The following ZC4H2 variants were observed in gnomAD, a reference collection of about 807,000 sequenced individuals.
ZC4H2 encodes zinc finger C4H2-type containing.
For synonymous variants in ZC4H2, 84 were observed against 66.3 expected, an observed-to-expected ratio of 1.27 and a Z score of -1.30; for missense variants, 137 against 173.9, an observed-to-expected ratio of 0.79 and a Z score of 1.19.
chrX:64,933,282 A>G (rs1001266275), intron 1 of ZC4H2, among the ~76,000 whole-genome samples: 2 of 111,434 alleles, frequency 1.8e-5, no homozygotes, highest in Admixed American at 1.9e-4. Context: ...TTAAAATTTA[A>G]GTTGGTTTTC....
intron 1 of ZC4H2, among the ~76,000 whole-genome samples, chrX:65,006,132 A>G (rs1162897015): frequency 8.9e-6 from 1 of 111,911 alleles, no homozygotes; most frequent in Non-Finnish European, 1.9e-5. Context: ...TAGTTCAACC[A>G]TTGTGGAAGA....
At chrX:64,952,973 G>C (rs1209015276) in intron 1 of ZC4H2, among the ~76,000 whole-genome samples, 3 of 111,515 alleles carry the variant, frequency 2.7e-5, no homozygotes, top group Non-Finnish European at 5.6e-5. Flanking sequence ...CCAAAACAGA[G>C]ATATAGACCA....
rs1454744323 is a variant in ZC4H2 at position 65,002,236 on chromosome X, T to C, written c.-272+32393A>G. On this transcript the variant is annotated intron_variant, in intron 1 of 4. Coordinates refer to the ZC4H2 transcript ENST00000337990. Reference sequence around the variant, plus strand: ...AGCAAATGCAAAAGAATGGAAATCATAACAAACAGTCCCTCAGACTGCAGT... The same window carrying C: ...AGCAAATGCAAAAGAATGGAAATCACAACAAACAGTCCCTCAGACTGCAGT... Among the ~76,000 whole-genome samples the C allele has an allele frequency of 6.2e-5, 7 of 112,326 alleles. No individual in the cohort carries two copies. The East Asian group carries it at 1.7e-3, about 27-fold the overall frequency.
intron 1 of ZC4H2, among the ~76,000 whole-genome samples, chrX:64,953,868 C>T (rs1377640439): frequency 3.6e-5 from 4 of 111,218 alleles, no homozygotes; most frequent in Non-Finnish European, 7.5e-5. Context: ...CACATGCACA[C>T]GTATGTTTAT....
intron 1 of ZC4H2, among the ~76,000 whole-genome samples, chrX:64,942,761 T>C (rs775690178): frequency 8.9e-6 from 1 of 112,237 alleles, no homozygotes; most frequent in Admixed American, 9.5e-5. Context: ...TCCAAGTTTT[T>C]GCTCTTGTGA....
chrX:65,024,225 T>C (rs1250338831), intron 1 of ZC4H2, among the ~76,000 whole-genome samples: 1 of 110,663 alleles, frequency 9.0e-6, no homozygotes, highest in African/African-American at 3.3e-5. Flanking sequence ...AACCTGCATG[T>C]TCTGCACATG....
At chrX:64,954,096 C>T (rs757269224) in intron 1 of ZC4H2, among the ~76,000 whole-genome samples, 1 of 105,122 alleles carries the variant, frequency 9.5e-6, no homozygotes, top group African/African-American at 3.6e-5. Context: ...CATGTTCTCA[C>T]TCATAGGTGG....
At chrX:65,006,098 T>C (rs902172923) in intron 1 of ZC4H2, among the ~76,000 whole-genome samples, 3 of 111,783 alleles carry the variant, frequency 2.7e-5, no homozygotes, top group African/African-American at 9.8e-5. Flanking sequence ...GGAATGCTTT[T>C]ACAGTGTTGA....
rs1022250004 is a variant in ZC4H2 at position 64,923,250 on chromosome X, G to T, written c.54-1262C>A. ...TGTGACTAAATAAGAAAAAGATTTGGAAGAAACACAGTTTCAAGGGCCTTT... is the reference window on the plus strand; with the variant it reads ...TGTGACTAAATAAGAAAAAGATTTGTAAGAAACACAGTTTCAAGGGCCTTT... On this transcript the variant is annotated intron_variant, in intron 1 of 4. Coordinates refer to ENST00000374839, the MANE Select transcript of ZC4H2 (RefSeq NM_018684.4). Among the ~76,000 whole-genome samples, 5 of 111,698 alleles carry T rather than the reference G, an allele frequency of 4.5e-5. No individual in the cohort carries two copies. In the Admixed American group the frequency reaches 4.8e-4, roughly 11 times the overall value.
At chrX:64,920,349 G>T in intron 2 of ZC4H2, 96 bp from the exon 3 acceptor site, 1 of 960,763 alleles carries the variant, frequency 1.0e-6, no homozygotes, top group Non-Finnish European at 1.4e-6. Context: ...TCCAGAACTT[G>T]TTCAGTCTAT....
intron 1 of ZC4H2, among the ~76,000 whole-genome samples, chrX:64,968,886 C>A (rs1931681467): frequency 9.0e-6 from 1 of 111,599 alleles, no homozygotes; most frequent in South Asian, 3.8e-4. Context: ...ATCAATGTGC[C>A]AACAGATTTG....
At chrX:64,939,645 G>A (rs917967272) in intron 1 of ZC4H2, among the ~76,000 whole-genome samples, 2 of 111,601 alleles carry the variant, frequency 1.8e-5, no homozygotes, top group Non-Finnish European at 1.9e-5. Context: ...ACAACCATCT[G>A]ATCTTTGACC....
At chrX:65,031,792 G>T (rs1286407991) in intron 1 of ZC4H2, among the ~76,000 whole-genome samples, 1 of 111,949 alleles carries the variant, frequency 8.9e-6, no homozygotes, top group Non-Finnish European at 1.9e-5. Flanking sequence ...CCATCTCAAG[G>T]TGTAACCATT....
intron 1 of ZC4H2, among the ~76,000 whole-genome samples, chrX:64,961,717 T>A (rs1931397991): frequency 9.0e-6 from 1 of 110,802 alleles, no homozygotes; most frequent in African/African-American, 3.3e-5. Flanking sequence ...CTAATTGAAA[T>A]CAGAGATGAA....
intron 1 of ZC4H2, among the ~76,000 whole-genome samples, chrX:64,924,102 C>G (rs764690208): frequency 1.4e-4 from 16 of 111,699 alleles, no homozygotes; most frequent in Admixed American, 3.8e-4. Context: ...GATGGGAAAA[C>G]TAAGATTCAG....
intron 1 of ZC4H2, among the ~76,000 whole-genome samples, chrX:65,010,270 G>A (rs1208564282): frequency 8.9e-6 from 1 of 112,022 alleles, no homozygotes; most frequent in Non-Finnish European, 1.9e-5. Context: ...CTGCTCACAT[G>A]TGTAATGGAC....
intron 1 of ZC4H2, among the ~76,000 whole-genome samples, chrX:64,990,225 T>C (rs753382480): frequency 2.7e-5 from 3 of 112,107 alleles, no homozygotes; most frequent in Non-Finnish European, 5.6e-5. Context: ...CATCTGTGGG[T>C]GAATCTCCAG....
At chrX:64,997,537 C>A (rs1364258116) in intron 1 of ZC4H2, among the ~76,000 whole-genome samples, 1 of 112,581 alleles carries the variant, frequency 8.9e-6, no homozygotes, top group Non-Finnish European at 1.9e-5. Context: ...AATTATAAAT[C>A]TCTTATTGGT....
rs1374659130 is a variant in ZC4H2, at chrX:64,920,023, AG to A, written c.398+57del. The A allele has an allele frequency of 1.6e-5, 18 of 1,138,352 alleles. No homozygotes were observed. The African/African-American group carries it at 3.1e-4, about 19-fold the overall frequency. The allele number at this position is 1,138,352 out of a possible 1,213,427, so 93.8% of individuals were successfully genotyped here. ...CTGCCCGTGTGTGTGTAGGTATGTA[AG>A]TATGTATGTGGGTCGGAGGGAGGGT... On this transcript the variant is annotated intron_variant, in intron 3 of 4. Transcript: ENST00000374839.
Sources: allele counts gnomAD v4.1 joint callset (sites outside exome capture counted in the v4.1 genomes callset), GRCh38; gene constraint gnomAD v4.1.1; transcripts MANE v1.5; gene names NCBI Gene and HGNC (gene_info 2026-07-23, HGNC 2026-07-21).